Variants in CTDP1 observed in about 807,000 individuals in gnomAD.
The protein encoded by CTDP1 is CTD phosphatase 1, also known as RNA polymerase II subunit A C-terminal domain phosphatase.
In CTDP1, 47 loss-of-function variants were observed where a neutral mutation model predicts 91.8. The ratio of observed to expected loss-of-function variants is 0.51; its 90% CI spans 0.41 to 0.65. CTDP1 has a LOEUF of 0.65. CTDP1 is among the 30% of genes least tolerant of loss of function. The pLI is 0.00. For synonymous variants in CTDP1, 656 were observed against 598.5 expected, an observed-to-expected ratio of 1.10 and a Z score of -1.40; for missense variants, 1,272 against 1,373.7, an observed-to-expected ratio of 0.93 and a Z score of 1.17.
Position 79,717,607 on chromosome 18 carries a change from G to T in CTDP1, c.2141G>T (p.Cys714Phe). 6.2e-7 allele frequency: 1 copy of T among 1,613,946 alleles called. No individual in the cohort carries two copies. The highest frequency in any genetic ancestry group is 8.5e-7 in the Non-Finnish European group (1 of 1,179,970). ...HVVNPDWLWS[C>F]LERWDKVEEQ... ...GTCAACCCTGACTGGCTGTGGAGCT[G>T]CCTGGAGCGCTGGGACAAGGTGGAG... Residue 714 changes from cysteine to phenylalanine, a missense_variant, in exon 9 of 13, where the codon TGC (cysteine) becomes TTC (phenylalanine). Transcript: ENST00000613122.
intron 1 of CTDP1, among the ~76,000 whole-genome samples, chr18:79,693,668 C>T (rs2085669736): frequency 6.6e-6 from 1 of 152,194 alleles, no homozygotes; most frequent in South Asian, 2.1e-4. Context: ...TAGTCACCGG[C>T]AGCCCACTCC....
rs1191012607 is a variant in CTDP1, at chr18:79,687,141, C to T, written c.314+6880C>T. ...CGCAGCAGTTGGCTTCTCCAGTTCA[C>T]TGGTGGGCCTGCACCGCAGCAGTTG... On this transcript the variant is annotated intron_variant, in intron 1 of 12. Coordinates refer to ENST00000613122, the MANE Select transcript of CTDP1 (RefSeq NM_004715.5). Among the ~76,000 whole-genome samples the T allele has an allele frequency of 8.6e-5, 10 of 116,558 alleles. No individual in the cohort carries two copies. The East Asian group carries it at 2.7e-3, about 31-fold the overall frequency. The allele number at this position is 116,558 out of a possible 152,430, so 76.5% of individuals were successfully genotyped here.
Position 79,753,509 on chromosome 18 carries a change from G to A in CTDP1, c.2748-143G>A, listed in dbSNP as rs540033707. On this transcript the variant is annotated intron_variant, in intron 12 of 12. Transcript: ENST00000613122. Reference sequence around the variant, plus strand: ...CACGTGTGTGACGTGGCCCTGGGTCGGTGGCCTGTGTGTGTCCTTGACCAG... The same window carrying A: ...CACGTGTGTGACGTGGCCCTGGGTCAGTGGCCTGTGTGTGTCCTTGACCAG... 5.7e-4 allele frequency: 731 copies of A among 1,291,504 alleles called. 9 individuals are homozygous for A. The Middle Eastern group carries it at 5.8e-3, about 10-fold the overall frequency. The allele number at this position is 1,291,504 out of a possible 1,614,324, so 80.0% of individuals were successfully genotyped here.
intron 8 of CTDP1, among the ~76,000 whole-genome samples, chr18:79,716,159 C>T (rs1276200076): frequency 6.6e-6 from 1 of 152,194 alleles, no homozygotes; most frequent in Non-Finnish European, 1.5e-5. Flanking sequence ...CCATAAGCAC[C>T]TGGATTTTCC....
chr18:79,720,376 C>T (rs914905470), intron 10 of CTDP1, among the ~76,000 whole-genome samples: 1 of 149,250 alleles, frequency 6.7e-6, no homozygotes, highest in East Asian at 2.0e-4. Flanking sequence ...CTATTGTGTC[C>T]TGGTGATGCT....
In CTDP1 at chr18:79,734,934, C is replaced by T. The variant is rs144489202; in HGVS notation, c.2581-1421C>T. Among the ~76,000 whole-genome samples the T allele has an allele frequency of 5.1e-3, 783 of 152,298 alleles. 9 individuals carry two copies. Among genetic ancestry groups the T allele is most frequent in the African/African-American group, 0.017 (724 of 41,558 alleles). On this transcript the variant is annotated intron_variant, in intron 11 of 12. Transcript: ENST00000613122. Reference sequence around the variant, plus strand: ...CATTATAATGACCTGATGATAAAGCCGCTGCCTTAGCTAATTAACCATTGG... The same window carrying T: ...CATTATAATGACCTGATGATAAAGCTGCTGCCTTAGCTAATTAACCATTGG...
Position 79,680,179 on chromosome 18 carries a change from C to T in CTDP1, c.232C>T (p.Arg78Trp), listed in dbSNP as rs1400279314. 24 of 1,381,830 alleles carry T rather than the reference C, an allele frequency of 1.7e-5. No homozygotes were observed. The African/African-American group carries it at 3.1e-4, about 18-fold the overall frequency. 85.6% of individuals were successfully genotyped at this position (1,381,830 alleles called of 1,614,324 possible). A position where few individuals can be genotyped will look rare whatever the true frequency, so the allele number is the denominator to read the frequency against. ...CTCCGGGGGCTGCGTGCGCCCCGCGCGGCCGGAACGCAGGCTGAGGTCGGA... is the reference window on the plus strand; with the variant it reads ...CTCCGGGGGCTGCGTGCGCCCCGCGTGGCCGGAACGCAGGCTGAGGTCGGA... ...VASGGCVRPA[R>W]PERRLRSERA... is the part of the protein sequence containing the mutation. The change falls in exon 1 of 13, where the codon CGG (arginine) becomes TGG (tryptophan). Residue 78 changes from arginine to tryptophan, a missense_variant. Physicochemically the swap from Arg to Trp is moderately radical, Grantham distance 101. Coordinates refer to ENST00000613122, the MANE Select transcript of CTDP1 (RefSeq NM_004715.5).
intron 1 of CTDP1, among the ~76,000 whole-genome samples, chr18:79,680,636 T>C (rs1396401043): frequency 1.3e-5 from 2 of 152,266 alleles, no homozygotes; most frequent in African/African-American, 4.8e-5. Flanking sequence ...AGACCTGTTA[T>C]TGAAATATAA....
chr18:79,699,134 G>C (rs1413941145), intron 4 of CTDP1, among the ~76,000 whole-genome samples: 1 of 152,130 alleles, frequency 6.6e-6, no homozygotes, highest in Non-Finnish European at 1.5e-5. Context: ...TTCTATTTCT[G>C]GCTGTGTTAG....
chr18:79,736,315 C>A, intron 11 of CTDP1, 40 bp from the exon 12 acceptor site: 1 of 1,548,486 alleles, frequency 6.5e-7, no homozygotes, highest in South Asian at 1.2e-5. Context: ...GAACGGGGCC[C>A]GGGAAGGAGG....
intron 10 of CTDP1, among the ~76,000 whole-genome samples, chr18:79,724,360 G>T (rs1599274980): frequency 6.6e-6 from 1 of 152,216 alleles, no homozygotes; most frequent in African/African-American, 2.4e-5. Flanking sequence ...AAATTGGATG[G>T]TGAGTGTGTG....
Position 79,715,149 on chromosome 18 carries a change from G to T in CTDP1, c.1689G>T (p.Leu563=). 1.2e-6 allele frequency: 2 copies of T among 1,613,626 alleles called. No homozygotes were observed. Among genetic ancestry groups the T allele is most frequent in the Non-Finnish European group, 1.7e-6 (2 of 1,179,960 alleles). Residue 563 remains leucine (L), a synonymous_variant, in exon 8 of 13, where the codon CTG becomes CTT. Coordinates refer to ENST00000613122, the MANE Select transcript of CTDP1 (RefSeq NM_004715.5). ...EAETESQNSE[L]SGVTAGESLD... ...AGACCGAGTCACAGAACAGCGAGCT[G>T]TCGGGGGTCACTGCGGGTGAGTCCC...
At chr18:79,709,746 T>C (rs1352071612) in intron 5 of CTDP1, among the ~76,000 whole-genome samples, 1 of 152,244 alleles carries the variant, frequency 6.6e-6, no homozygotes, top group Non-Finnish European at 1.5e-5. Context: ...ATTACCATTA[T>C]TAAAACGTGT....
chr18:79,749,667 C>T (rs1472615486), intron 12 of CTDP1: 2 of 152,324 alleles, frequency 1.3e-5, no homozygotes, highest in African/African-American at 4.8e-5. Context: ...CCTCTGTTCG[C>T]AAGGGTCTCC....
At chr18:79,751,788 G>C (rs879483051) in intron 12 of CTDP1, among the ~76,000 whole-genome samples, 13 of 152,144 alleles carry the variant, frequency 8.5e-5, no homozygotes, top group Non-Finnish European at 1.0e-4. Context: ...TGTGTGTGTG[G>C]CTGTATCACA....
At chr18:79,719,472 G>T (rs2086289544) in intron 10 of CTDP1, among the ~76,000 whole-genome samples, 1 of 152,180 alleles carries the variant, frequency 6.6e-6, no homozygotes, top group African/African-American at 2.4e-5. Flanking sequence ...CAGCCACAGA[G>T]ATGATGTCAT....
At chr18:79,751,539 T>TC (rs776690256) in intron 12 of CTDP1, among the ~76,000 whole-genome samples, 1 of 152,182 alleles carries the variant, frequency 6.6e-6, no homozygotes, top group Non-Finnish European at 1.5e-5. Context: ...GGTTCTCTTG[T>TC]CTTCTGTTGG....
At chr18:79,714,358 G>A (rs757676305) in intron 7 of CTDP1, 133 bp from the exon 8 acceptor site, 3 of 1,019,460 alleles carry the variant, frequency 2.9e-6, no homozygotes, top group Non-Finnish European at 3.0e-6. Flanking sequence ...CCTCTTCACA[G>A]CAAGGTTGCC....
At chr18:79,750,117 G>T (rs970569706) in intron 12 of CTDP1, 1 of 152,256 alleles carries the variant, frequency 6.6e-6, no homozygotes, top group African/African-American at 2.4e-5. Context: ...CCCAACACAG[G>T]CACGGGCACA....
Sources: gnomAD v4.1 joint callset for allele counts (sites outside exome capture counted in the v4.1 genomes callset) on GRCh38, gnomAD v4.1.1 for gene constraint, MANE v1.5 for transcripts, NCBI Gene and HGNC (gene_info 2026-07-23, HGNC 2026-07-21) for gene names.